The following TDRD6 variants were observed in gnomAD, a reference collection of about 807,000 sequenced individuals.
TDRD6 encodes the protein tudor domain containing 6, also known as tudor domain-containing protein 6.
In TDRD6, 186 loss-of-function variants were observed where a neutral mutation model predicts 157.5. The observed-to-expected ratio is 1.18, with a 90% CI of 1.05 to 1.33. The LOEUF (loss-of-function observed/expected upper bound fraction) is 1.33, where lower values mean the gene tolerates loss of function less well. Among genes scored for constraint, TDRD6 ranks in the 40% most tolerant of loss-of-function variants. The pLI is 0.00. For synonymous variants in TDRD6, 1,075 were observed against 945.2 expected (o/e 1.14, Z -2.52); for missense variants, 3,066 against 2,508.0 (o/e 1.22, Z -4.75).
chr6:46,690,853 T>A lies in TDRD6; in HGVS notation c.2725T>A (p.Phe909Ile). ...AAAGGCAATACAAGCTTTCAATGAA[T>A]TTATAGATAATGCATGGCAAAAAAA... ...DVKAIQAFNE[F>I]IDNAWQKNLE... Residue 909 changes from phenylalanine (F) to isoleucine (I), a missense_variant, in exon 1 of 4, where the codon TTT becomes ATT. By Grantham distance (21) the Phe-to-Ile change is conservative. Coordinates refer to ENST00000316081, the MANE Select transcript of TDRD6 (RefSeq NM_001010870.3). The A allele has an allele frequency of 6.2e-7, 1 of 1,613,720 alleles. No individual in the cohort carries two copies. Among genetic ancestry groups the A allele is most frequent in the East Asian group, 2.2e-5 (1 of 44,876 alleles).
chr6:46,698,047 T>C lies in TDRD6; in HGVS notation c.6221T>C (p.Val2074Ala). ...GAGGAGATAGTGAACCCTGAGAATG[T>C]CTGGAATGGCATACCCAAATTGGAT... ...GMEEIVNPENVWNGIPKLDKS... is the reference protein window; with the variant it reads ...GMEEIVNPENAWNGIPKLDKS... The change falls in exon 3 of 4, where the codon GTC (valine) becomes GCC (alanine). Residue 2074 changes from valine (V) to alanine (A), a missense_variant. Val to Ala is a moderately conservative substitution (Grantham distance 64, BLOSUM62 0). Transcript: ENST00000316081. 6.2e-7 allele frequency: 1 copy of C among 1,611,280 alleles called. No individual in the cohort carries two copies. Among genetic ancestry groups the C allele is most frequent in the Non-Finnish European group, 8.5e-7 (1 of 1,178,158 alleles).
chr6:46,690,544 C>G lies in TDRD6; in HGVS notation c.2416C>G (p.Gln806Glu). Residue 806 changes from glutamine (Q) to glutamate (E), a missense_variant, in exon 1 of 4, where the codon CAG becomes GAG. Gln to Glu is a conservative substitution (Grantham distance 29). Transcript: ENST00000316081. Reference protein sequence around the residue: ...QGLKTLMSDIQYYCKNTAAPH... With the variant: ...QGLKTLMSDIEYYCKNTAAPH... ...ACTTAAAACTCTAATGTCTGATATT[C>G]AGTACTATTGCAAAAATACAGCTGC... is the stretch of plus-strand genomic sequence containing the variant. The G allele has an allele frequency of 6.2e-7, 1 of 1,614,156 alleles. No individual in the cohort carries two copies. The highest frequency in any genetic ancestry group is 1.7e-5 in the Admixed American group (1 of 60,026).
At position 46,691,233 on chromosome 6, in the gene TDRD6, C is replaced by T; in HGVS notation, c.3105C>T (p.Asn1035=). 2 of 1,613,982 alleles carry T rather than the reference C, an allele frequency of 1.2e-6. No individual in the cohort carries two copies. The highest frequency in any genetic ancestry group is 1.7e-6 in the Non-Finnish European group (2 of 1,179,932). ...TGAATTTAAAAACATCTCCCTTGAA[C>T]CCTGGAACCTTGTGCCTTGCCAAGT... ...VLLNLKTSPL[N]PGTLCLAKYT... The change falls in exon 1 of 4, where the codon AAC becomes AAT. Residue 1035 remains asparagine, a synonymous_variant. Transcript: ENST00000316081.
At chr6:46,683,421 A>G (rs1449468444), upstream of TDRD6, among the ~76,000 whole-genome samples, 1 of 152,004 alleles carries the variant, frequency 6.6e-6, no homozygotes, top group African/African-American at 2.4e-5. Flanking sequence ...TTGGGTTAGT[A>G]AAAGATTTAG....
chr6:46,701,837 G>GT, intron 3 of TDRD6, 21 bp from the exon 4 acceptor site: 1 of 1,612,412 alleles, frequency 6.2e-7, no homozygotes. Flanking sequence ...TCAGTTTGAA[G>GT]TTTTTCTCTT....
At position 46,688,907 on chromosome 6, in the gene TDRD6, G is replaced by A. The variant is rs760927801; in HGVS notation, c.779G>A (p.Cys260Tyr). The change falls in exon 1 of 4, where the codon TGC becomes TAC. Residue 260 changes from cysteine (C) to tyrosine (Y), a missense_variant. By Grantham distance (194) the Cys-to-Tyr change is radical. Coordinates refer to ENST00000316081, the MANE Select transcript of TDRD6 (RefSeq NM_001010870.3). The stretch of plus-strand genomic sequence containing the variant: ...GAGGCCGTGGTCATAACCCAAGTGT[G>A]CCATCCCCACCGCATTCACTGCCAG... ...VTEAVVITQVCHPHRIHCQLR... is the reference protein window; with the variant it reads ...VTEAVVITQVYHPHRIHCQLR... 1.2e-6 allele frequency: 2 copies of A among 1,607,462 alleles called. No homozygotes were observed. The highest frequency in any genetic ancestry group is 2.7e-5 in the African/African-American group (2 of 74,830).
rs552496109 is a variant in TDRD6 at position 46,688,879 on chromosome 6, A to G, written c.751A>G (p.Thr251Ala). ...YFYPQLQLGV[T>A]EAVVITQVCH... ...CTATCCCCAGCTGCAGCTGGGCGTG[A>G]CGGAGGCCGTGGTCATAACCCAAGT... The change falls in exon 1 of 4, where the codon ACG (threonine) becomes GCG (alanine). Residue 251 changes from threonine (T) to alanine (A), a missense_variant. Coordinates refer to ENST00000316081, the MANE Select transcript of TDRD6 (RefSeq NM_001010870.3). 1.9e-6 allele frequency: 3 copies of G among 1,605,924 alleles called. No individual in the cohort carries two copies. In the African/African-American group the frequency reaches 4.0e-5, roughly 21 times the overall value.
In TDRD6 at chr6:46,692,624, CTG is replaced by C; in HGVS notation, c.4498_4499del (p.Val1500Ter). On this transcript the variant is annotated frameshift_variant, in exon 1 of 4. Transcript: ENST00000316081. LOFTEE classifies it high-confidence loss of function. ...GTAATTAAAAGTGCCAGTTCAAAGT[CTG>C]TTAACAAATCAGACATTGACACTTC... The C allele has an allele frequency of 6.2e-7, 1 of 1,613,396 alleles. No individual in the cohort carries two copies. The highest frequency in any genetic ancestry group is 8.5e-7 in the Non-Finnish European group (1 of 1,179,782).
chr6:46,690,813 C>G lies in TDRD6; in HGVS notation c.2685C>G (p.Pro895=), dbSNP rs1764290313. ...TAATTCAACCAGTTGGCCAGAATCC[C>G]TTTGTTTGGGATGTAAAGGCAATAC... is the stretch of plus-strand genomic sequence containing the variant. ...YNLIQPVGQN[P]FVWDVKAIQA... Residue 895 remains proline (P), a synonymous_variant, in exon 1 of 4, where the codon CCC becomes CCG. Transcript: ENST00000316081. 4 of 1,613,974 alleles carry G rather than the reference C, an allele frequency of 2.5e-6. No individual in the cohort carries two copies. The highest frequency in any genetic ancestry group is 3.4e-6 in the Non-Finnish European group (4 of 1,179,984).
In TDRD6 at chr6:46,692,150, T is replaced by C. The variant is rs1244002710; in HGVS notation, c.4022T>C (p.Val1341Ala). The C allele has an allele frequency of 1.2e-6, 2 of 1,614,142 alleles. No individual in the cohort carries two copies. Among genetic ancestry groups the C allele is most frequent in the Non-Finnish European group, 1.7e-6 (2 of 1,179,986 alleles). ...CATCTTTCAGAGAGATTAAACAGTG[T>C]TAAAACAAGGCCCGAATATTATGTA... is the stretch of plus-strand genomic sequence containing the variant. ...ISHLSERLNS[V>A]KTRPEYYVGP... Residue 1341 changes from valine (V) to alanine (A), a missense_variant, in exon 1 of 4, where the codon GTT becomes GCT. Coordinates refer to ENST00000316081, the MANE Select transcript of TDRD6 (RefSeq NM_001010870.3).
chr6:46,685,772 T>TA (rs11460703), upstream of TDRD6, among the ~76,000 whole-genome samples: 115,427 of 149,980 alleles, frequency 0.77, 44,656 homozygotes, highest in African/African-American at 0.86. Flanking sequence ...ACAATAATAA[T>TA]AAAAAAAAAA....
In TDRD6 at chr6:46,702,584, CTTTA is replaced by C. The variant is rs1764651238; in HGVS notation, c.*700_*703del. The C allele has an allele frequency of 6.6e-6, 1 of 152,006 alleles. No individual in the cohort carries two copies. Among genetic ancestry groups the C allele is most frequent in the Non-Finnish European group, 1.5e-5 (1 of 67,960 alleles). The allele number at this position is 152,006 out of a possible 1,614,324, so 9.4% of individuals were successfully genotyped here. A position where few individuals can be genotyped will look rare whatever the true frequency, so the allele number is the denominator to read the frequency against. On this transcript the variant is annotated 3_prime_UTR_variant, in exon 4 of 4. Coordinates refer to ENST00000316081, the MANE Select transcript of TDRD6 (RefSeq NM_001010870.3). ...CTTATACTTTAAATGCATTTTTTCA[CTTTA>C]TTCATCAACTTTGAAGTGCATATCA...
chr6:46,691,253 C>G lies in TDRD6; in HGVS notation c.3125C>G (p.Ala1042Gly). ...SPLNPGTLCL[A>G]KYTDGNWYRG... ...TTGAACCCTGGAACCTTGTGCCTTG[C>G]CAAGTATACTGATGGAAACTGGTAT... Residue 1042 changes from alanine to glycine, a missense_variant, in exon 1 of 4, where the codon GCC becomes GGC. Transcript: ENST00000316081. 1 of 1,613,990 alleles carries G rather than the reference C, an allele frequency of 6.2e-7. No homozygotes were observed. Among genetic ancestry groups the G allele is most frequent in the Non-Finnish European group, 8.5e-7 (1 of 1,179,948 alleles).
rs1762973952 is a variant in TDRD6 at position 46,690,116 on chromosome 6, C to T, written c.1988C>T (p.Ala663Val). The T allele has an allele frequency of 1.2e-6, 2 of 1,613,556 alleles. No homozygotes were observed. The highest frequency in any genetic ancestry group is 1.3e-5 in the African/African-American group (1 of 74,908). The change falls in exon 1 of 4, where the codon GCT (alanine) becomes GTT (valine). Residue 663 changes from alanine (A) to valine (V), a missense_variant. By Grantham distance (64) the Ala-to-Val change is moderately conservative. Coordinates refer to ENST00000316081, the MANE Select transcript of TDRD6 (RefSeq NM_001010870.3). Reference protein sequence around the residue: ...EENISKVIAQAGYAKYQEFET... With the variant: ...EENISKVIAQVGYAKYQEFET... The stretch of plus-strand genomic sequence containing the variant: ...AACATTAGTAAGGTAATTGCCCAAG[C>T]TGGATATGCCAAGTATCAGGAATTT...
At chr6:46,701,752 C>G (rs1002369552) in intron 3 of TDRD6, 106 bp from the exon 4 acceptor site, 11 of 1,052,504 alleles carry the variant, frequency 1.0e-5, no homozygotes, top group Admixed American at 1.9e-5. Flanking sequence ...TCTGTCCCCT[C>G]TCCCTTTTAG....
chr6:46,700,495 T>TA (rs992009761), intron 3 of TDRD6, among the ~76,000 whole-genome samples: 1 of 152,122 alleles, frequency 6.6e-6, no homozygotes, highest in African/African-American at 2.4e-5. Context: ...TTACTTTTTT[T>TA]AAAAAAATGG....
Position 46,689,479 on chromosome 6 carries a change from G to A in TDRD6, c.1351G>A (p.Ala451Thr). The A allele has an allele frequency of 6.2e-7, 1 of 1,613,678 alleles. No homozygotes were observed. Among genetic ancestry groups the A allele is most frequent in the South Asian group, 1.1e-5 (1 of 91,082 alleles). Residue 451 changes from alanine to threonine, a missense_variant, in exon 1 of 4, where the codon GCA becomes ACA. Ala to Thr is a moderately conservative substitution (Grantham distance 58). Transcript: ENST00000316081. ...CLADRVLQSQ[A>T]TEEEEPETSQ... ...GGCTGACCGAGTCCTTCAGAGCCAG[G>A]CAACAGAGGAGGAGGAACCAGAAAC...
At chr6:46,696,587 AT>A (rs1764508020) in intron 2 of TDRD6, among the ~76,000 whole-genome samples, 4 of 29,832 alleles carry the variant, frequency 1.3e-4, no homozygotes, top group Non-Finnish European at 3.0e-4. Context: ...GTGTGTATAT[AT>A]ATATATATAT....
In TDRD6 at chr6:46,688,168, C is replaced by G; in HGVS notation, c.40C>G (p.Leu14Val). 6.5e-7 allele frequency: 1 copy of G among 1,548,402 alleles called. No individual in the cohort carries two copies. Among genetic ancestry groups the G allele is most frequent in the Non-Finnish European group, 8.7e-7 (1 of 1,153,532 alleles). ...TPGMPAPGAS[L>V]ALRVSFVDVH... ...CGGAATGCCGGCGCCGGGGGCCTCG[C>G]TGGCCCTGCGGGTGTCCTTCGTGGA... Residue 14 changes from leucine to valine, a missense_variant, in exon 1 of 4, where the codon CTG (leucine) becomes GTG (valine). By Grantham distance (32) the Leu-to-Val change is conservative. Coordinates refer to ENST00000316081, the MANE Select transcript of TDRD6 (RefSeq NM_001010870.3).
Sources: allele counts gnomAD v4.1 joint callset (sites outside exome capture counted in the v4.1 genomes callset), GRCh38; gene constraint gnomAD v4.1.1; transcripts MANE v1.5; gene names NCBI Gene and HGNC (gene_info 2026-07-23, HGNC 2026-07-21).